CACNA2D3: variants seen among roughly 807,000 people sequenced by gnomAD.
CACNA2D3 encodes calcium voltage-gated channel auxiliary subunit alpha2delta 3, also known as voltage-dependent calcium channel subunit alpha-2/delta-3.
In CACNA2D3, 60 loss-of-function variants were observed where a neutral mutation model predicts 160.6. The observed-to-expected ratio is 0.37, with a 90% CI of 0.30 to 0.46. The LOEUF is 0.46. CACNA2D3 is among the 20% of genes least tolerant of loss of function. The pLI is 1.00. For synonymous variants in CACNA2D3, 558 were observed against 492.9 expected (o/e 1.13, Z -1.75); for missense variants, 1,205 against 1,365.0 (o/e 0.88, Z 1.85).
intron 2 of CACNA2D3, among the ~76,000 whole-genome samples, chr3:54,148,574 T>G (rs934368667): frequency 2.0e-5 from 3 of 151,864 alleles, no homozygotes; most frequent in Admixed American, 2.0e-4. Flanking sequence ...GGAGGTGGAG[T>G]TGGCCAGCAG....
At chr3:54,220,241 G>A (rs138521018) in intron 2 of CACNA2D3, among the ~76,000 whole-genome samples, 5 of 152,076 alleles carry the variant, frequency 3.3e-5, no homozygotes, top group Non-Finnish European at 4.4e-5. Context: ...TTTCTCGCAT[G>A]GATTGCAAGC....
intron 17 of CACNA2D3, among the ~76,000 whole-genome samples, chr3:54,850,691 A>C (rs1324697459): frequency 2.0e-5 from 3 of 152,202 alleles, no homozygotes; most frequent in Non-Finnish European, 2.9e-5. Flanking sequence ...GTTCCCTTTC[A>C]GCAGCTGCAG....
chr3:54,872,322 C>A (rs1699553499), intron 18 of CACNA2D3, among the ~76,000 whole-genome samples: 1 of 152,158 alleles, frequency 6.6e-6, no homozygotes, highest in Non-Finnish European at 1.5e-5. Context: ...TTGTGTGAAT[C>A]CAGGTGGACT....
chr3:54,171,864 A>G (rs1269242782), intron 2 of CACNA2D3, among the ~76,000 whole-genome samples: 1 of 151,750 alleles, frequency 6.6e-6, no homozygotes, highest in South Asian at 2.1e-4. Context: ...ATTTTCCTCT[A>G]TCTTCTGTCC....
intron 4 of CACNA2D3, among the ~76,000 whole-genome samples, chr3:54,481,602 A>T (rs1281108885): frequency 2.6e-5 from 4 of 152,216 alleles, no homozygotes; most frequent in African/African-American, 9.6e-5. Context: ...TTTTCCAAAA[A>T]GTGTACACGG....
intron 29 of CACNA2D3, among the ~76,000 whole-genome samples, chr3:54,975,306 G>T (rs1381915537): frequency 6.6e-6 from 1 of 152,132 alleles, no homozygotes; most frequent in East Asian, 1.9e-4. Context: ...ATCACTTGAG[G>T]TCAGGAGTTT....
At chr3:54,433,079 CA>C (rs1489508609) in intron 4 of CACNA2D3, among the ~76,000 whole-genome samples, 4 of 152,178 alleles carry the variant, frequency 2.6e-5, no homozygotes, top group African/African-American at 9.7e-5. Flanking sequence ...AATGAACACA[CA>C]TCTACTTGCC....
chr3:54,632,761 CCTT>C (rs1559533061), intron 10 of CACNA2D3: 3 of 152,048 alleles, frequency 2.0e-5, no homozygotes, highest in African/African-American at 7.2e-5. Context: ...TGTAAATTGT[CCTT>C]TGATGCTTTC....
chr3:54,374,115 G>T (rs1698968953), intron 3 of CACNA2D3, among the ~76,000 whole-genome samples: 1 of 152,296 alleles, frequency 6.6e-6, no homozygotes, highest in African/African-American at 2.4e-5. Flanking sequence ...GGGAATTAAA[G>T]GCTTATTTGA....
chr3:54,738,509 A>C (rs1208203053), intron 11 of CACNA2D3, among the ~76,000 whole-genome samples: 14 of 152,244 alleles, frequency 9.2e-5, no homozygotes, highest in Admixed American at 9.2e-4. Flanking sequence ...TGACCCTAGA[A>C]AAACAACAAA....
chr3:54,590,771 T>A (rs1702843913), intron 9 of CACNA2D3, among the ~76,000 whole-genome samples: 1 of 152,026 alleles, frequency 6.6e-6, no homozygotes, highest in African/African-American at 2.4e-5. Flanking sequence ...CACAGTTACA[T>A]GTGGATCTAT....
chr3:55,032,218 C>T (rs1205947503), intron 35 of CACNA2D3, among the ~76,000 whole-genome samples: 1 of 152,230 alleles, frequency 6.6e-6, no homozygotes, highest in East Asian at 1.9e-4. Flanking sequence ...CAGATCTGCC[C>T]GACTCTGAAA....
At chr3:54,139,329 C>T in intron 2 of CACNA2D3, among the ~76,000 whole-genome samples, 1 of 152,240 alleles carries the variant, frequency 6.6e-6, no homozygotes, top group Middle Eastern at 3.2e-3. Context: ...GGCTGCTGTC[C>T]CCACCTCGGG....
At position 54,653,875 on chromosome 3, in the gene CACNA2D3, A is replaced by G. The variant is rs1244211705; in HGVS notation, c.1167+11634A>G. Among the ~76,000 whole-genome samples, 6 of 152,128 alleles carry G rather than the reference A, an allele frequency of 3.9e-5. No individual in the cohort carries two copies. In the East Asian group the frequency reaches 9.7e-4, roughly 24 times the overall value. Reference sequence around the variant, plus strand: ...TGGGAGGACAGTGTACATTCTCTCCAGGTGACCTCCACCATCCTCTAGTAA... The same window carrying G: ...TGGGAGGACAGTGTACATTCTCTCCGGGTGACCTCCACCATCCTCTAGTAA... On this transcript the variant is annotated intron_variant, in intron 11 of 37. Transcript: ENST00000474759.
chr3:54,783,723 A>C (rs1001944244), intron 13 of CACNA2D3, among the ~76,000 whole-genome samples: 2 of 152,210 alleles, frequency 1.3e-5, no homozygotes, highest in Non-Finnish European at 2.9e-5. Flanking sequence ...GGAAACTTTA[A>C]ATTTTGCAAC....
chr3:54,817,076 C>G (rs751542115), intron 14 of CACNA2D3, among the ~76,000 whole-genome samples: 16 of 152,164 alleles, frequency 1.1e-4, no homozygotes, highest in Non-Finnish European at 2.4e-4. Context: ...CCAAAGGACC[C>G]TATAGTGGCC....
chr3:54,588,190 CA>C (rs1702797796), intron 9 of CACNA2D3, among the ~76,000 whole-genome samples: 1 of 152,156 alleles, frequency 6.6e-6, no homozygotes, highest in Admixed American at 6.5e-5. Flanking sequence ...TCTACTATAT[CA>C]ACAAGCTGAA....
chr3:54,681,556 C>CAA (rs79551640), intron 11 of CACNA2D3, among the ~76,000 whole-genome samples: 3 of 65,138 alleles, frequency 4.6e-5, no homozygotes, highest in Admixed American at 1.8e-4. Context: ...GACTCCATCT[C>CAA]AAAAAAAAAA....
rs188050194 is a variant in CACNA2D3 at position 54,411,141 on chromosome 3, T to C, written c.381+24367T>C. Among the ~76,000 whole-genome samples, 29 of 152,304 alleles carry C rather than the reference T, an allele frequency of 1.9e-4. No individual in the cohort carries two copies. In the East Asian group the frequency reaches 3.1e-3, roughly 16 times the overall value. ...TTAATGAATGAGAAGCTGATTCTTA[T>C]GGATGAACAAAGTGGCTTCTTGAGG... On this transcript the variant is annotated intron_variant, in intron 4 of 37. Coordinates refer to ENST00000474759, the MANE Select transcript of CACNA2D3 (RefSeq NM_018398.3).
Sources: allele counts gnomAD v4.1 joint callset (sites outside exome capture counted in the v4.1 genomes callset), GRCh38; gene constraint gnomAD v4.1.1; transcripts MANE v1.5; gene names NCBI Gene and HGNC (gene_info 2026-07-23, HGNC 2026-07-21).